The following TMEM267 variants were observed in gnomAD, a reference collection of about 807,000 sequenced individuals.
The protein encoded by TMEM267 is transmembrane protein 267.
A neutral mutation model predicts 19.3 loss-of-function variants in TMEM267; 20 were observed. The ratio of observed to expected loss-of-function variants is 1.04; its 90% CI spans 0.73 to 1.51. The LOEUF (loss-of-function observed/expected upper bound fraction) is 1.51. TMEM267 is among the 40% of genes most tolerant of loss of function. TMEM267 has a pLI of 0.00. For missense variants in TMEM267, 242 were observed against 261.9 expected (o/e 0.92, Z 0.52); for synonymous variants, 88 against 90.3 (o/e 0.97, Z 0.15).
intron 1 of TMEM267, among the ~76,000 whole-genome samples, chr5:43,466,347 C>T (rs1482245742): frequency 6.6e-6 from 1 of 152,108 alleles, no homozygotes; most frequent in Admixed American, 6.6e-5. Context: ...AGTGGTATGA[C>T]ATCTTAAAAG....
chr5:43,468,250 A>T (rs2131999), intron 1 of TMEM267, among the ~76,000 whole-genome samples: 91,021 of 152,042 alleles, frequency 0.6, 29,537 homozygotes, highest in African/African-American at 0.85. Context: ...TACAAGGTGA[A>T]AGACGCGGGG....
rs1742187093 is a variant in TMEM267, at chr5:43,445,406, A to G, written c.*816T>C. ...CATTTCTGGTCTTTTTTTTGCATAA[A>G]TTCAAATGTTACGGTTATGATCCAA... is the stretch of plus-strand genomic sequence containing the variant. On this transcript the variant is annotated 3_prime_UTR_variant, in exon 3 of 3. Transcript: ENST00000397080. 1 of 152,132 alleles carries G rather than the reference A, an allele frequency of 6.6e-6. No individual in the cohort carries two copies. Among genetic ancestry groups the G allele is most frequent in the Admixed American group, 6.5e-5 (1 of 15,280 alleles). The allele number at this position is 152,132 out of a possible 1,614,324, so 9.4% of individuals were successfully genotyped here. A position where few individuals can be genotyped will look rare whatever the true frequency, so the allele number is the denominator to read the frequency against.
chr5:43,477,697 C>A (rs541176113), intron 1 of TMEM267, among the ~76,000 whole-genome samples: 9 of 152,164 alleles, frequency 5.9e-5, no homozygotes, highest in African/African-American at 2.2e-4. Flanking sequence ...CAGGTATTTC[C>A]AATGGCATTG....
At chr5:43,475,515 A>G (rs888553616) in intron 1 of TMEM267, among the ~76,000 whole-genome samples, 2 of 152,166 alleles carry the variant, frequency 1.3e-5, no homozygotes, top group African/African-American at 4.8e-5. Flanking sequence ...CCCAGAACTT[A>G]AAGTATAATT....
At chr5:43,480,113 G>A in intron 1 of TMEM267, 1 of 253,764 alleles carries the variant, frequency 3.9e-6, no homozygotes, top group Non-Finnish European at 7.7e-6. Context: ...CAGGGACACT[G>A]AAAACTTGAA....
chr5:43,458,045 G>A (rs1294918815), intron 1 of TMEM267, among the ~76,000 whole-genome samples: 2 of 151,908 alleles, frequency 1.3e-5, no homozygotes, highest in African/African-American at 2.4e-5. Context: ...CTACAGGCAT[G>A]AGCCATCATG....
At chr5:43,457,658 C>T (rs375485405) in intron 1 of TMEM267, among the ~76,000 whole-genome samples, 1 of 152,148 alleles carries the variant, frequency 6.6e-6, no homozygotes, top group Non-Finnish European at 1.5e-5. Context: ...TCCTCCAACA[C>T]TGGGGATTAC....
chr5:43,461,521 C>T (rs980851851), intron 1 of TMEM267, among the ~76,000 whole-genome samples: 4 of 152,132 alleles, frequency 2.6e-5, no homozygotes, highest in African/African-American at 9.7e-5. Context: ...TCTTGGATGG[C>T]ATTTCTGGAC....
In TMEM267 at chr5:43,448,587, A is replaced by G. The variant is rs531636789; in HGVS notation, c.313-2030T>C. ...AGGTCAGGAGCTCGAGACCAGCCTGACCAACATGAAGAAACCCCGTTTCTA... is the reference window on the plus strand; with the variant it reads ...AGGTCAGGAGCTCGAGACCAGCCTGGCCAACATGAAGAAACCCCGTTTCTA... On this transcript the variant is annotated intron_variant, in intron 2 of 2. Transcript: ENST00000397080. Among the ~76,000 whole-genome samples the G allele has an allele frequency of 2.6e-3, 396 of 152,108 alleles. 2 individuals are homozygous for G. The highest frequency in any genetic ancestry group is 9.2e-3 in the African/African-American group (383 of 41,496).
intron 1 of TMEM267, among the ~76,000 whole-genome samples, chr5:43,477,272 C>T (rs1744484887): frequency 6.6e-6 from 1 of 151,814 alleles, no homozygotes; most frequent in South Asian, 2.1e-4. Flanking sequence ...TGAAACTATC[C>T]CTCAAGAACT....
intron 1 of TMEM267, among the ~76,000 whole-genome samples, chr5:43,482,143 C>T (rs1288313770): frequency 2.0e-5 from 3 of 152,154 alleles, no homozygotes; most frequent in Non-Finnish European, 2.9e-5. Flanking sequence ...GCGCCTGGCC[C>T]CTACTGTCTA....
At chr5:43,481,592 C>T (rs1163626938) in intron 1 of TMEM267, among the ~76,000 whole-genome samples, 13 of 152,182 alleles carry the variant, frequency 8.5e-5, no homozygotes, top group Non-Finnish European at 2.9e-5. Context: ...AATAGGAACA[C>T]ATATATTATA....
chr5:43,452,899 G>GA (rs1742698752), intron 2 of TMEM267, among the ~76,000 whole-genome samples: 1 of 152,212 alleles, frequency 6.6e-6, no homozygotes, highest in South Asian at 2.1e-4. Context: ...AGGGGTGAAT[G>GA]AAACAGAAAG....
chr5:43,448,422 T>C (rs1742380733), intron 2 of TMEM267, among the ~76,000 whole-genome samples: 1 of 152,116 alleles, frequency 6.6e-6, no homozygotes, highest in Non-Finnish European at 1.5e-5. Flanking sequence ...TATCATGAAA[T>C]GAAGTGATAA....
intron 1 of TMEM267, among the ~76,000 whole-genome samples, chr5:43,480,758 T>G (rs974488399): frequency 7.9e-5 from 12 of 151,582 alleles, no homozygotes; most frequent in African/African-American, 2.9e-4. Context: ...GAAGCAATTT[T>G]TAATAATCAC....
chr5:43,462,312 C>T lies in TMEM267; in HGVS notation c.-74-8269G>A, dbSNP rs115054923. On this transcript the variant is annotated intron_variant, in intron 1 of 2. Coordinates refer to ENST00000397080, the MANE Select transcript of TMEM267 (RefSeq NM_022483.5). ...ATCTGGAAAACCTTCCCAAGAAGGA[C>T]GGGTACAAATAAGCCCCGACAATGA... Among the ~76,000 whole-genome samples, 1,143 of 152,216 alleles carry T rather than the reference C, an allele frequency of 7.5e-3. 9 individuals are homozygous for T. Among genetic ancestry groups the T allele is most frequent in the Middle Eastern group, 0.017 (5 of 292 alleles).
intron 1 of TMEM267, among the ~76,000 whole-genome samples, chr5:43,462,046 G>A (rs546194329): frequency 6.6e-6 from 1 of 152,316 alleles, no homozygotes; most frequent in South Asian, 2.1e-4. Context: ...TGGCCACAGG[G>A]GTGCTTGGGT....
chr5:43,480,145 C>G (rs945515833), intron 1 of TMEM267, among the ~76,000 whole-genome samples: 8 of 152,090 alleles, frequency 5.3e-5, no homozygotes, highest in African/African-American at 1.9e-4. Flanking sequence ...CCCAGAGCAG[C>G]GGCAGCAGCA....
At chr5:43,461,845 C>A (rs1441262820) in intron 1 of TMEM267, among the ~76,000 whole-genome samples, 1 of 152,118 alleles carries the variant, frequency 6.6e-6, no homozygotes, top group Non-Finnish European at 1.5e-5. Context: ...CTAGACCCAC[C>A]CAGGGCCTGG....
Sources: allele counts gnomAD v4.1 joint callset (sites outside exome capture counted in the v4.1 genomes callset), GRCh38; gene constraint gnomAD v4.1.1; transcripts MANE v1.5; gene names NCBI Gene and HGNC (gene_info 2026-07-23, HGNC 2026-07-21).